INPP5A: variants seen among roughly 807,000 people sequenced by gnomAD.
INPP5A encodes 43 kDa inositol polyphosphate 5-phophatase.
A neutral mutation model predicts 65.2 loss-of-function variants in INPP5A; 14 were observed. The observed-to-expected ratio is 0.21, with a 90% CI of 0.14 to 0.34. The LOEUF (loss-of-function observed/expected upper bound fraction) is 0.34. Ranked by LOEUF, INPP5A falls within the 10% of genes least tolerant of loss-of-function variation. The pLI is 1.00. For missense variants in INPP5A, 431 were observed against 545.6 expected (o/e 0.79, Z 2.09); for synonymous variants, 207 against 208.3 (o/e 0.99, Z 0.05).
chr10:132,570,405 G>A (rs544440049), intron 1 of INPP5A, among the ~76,000 whole-genome samples: 1 of 152,332 alleles, frequency 6.6e-6, no homozygotes, highest in African/African-American at 2.4e-5. Flanking sequence ...AGCGGGAGGA[G>A]TTCGGGTGGA....
At chr10:132,713,250 G>A (rs1172787425) in intron 8 of INPP5A, among the ~76,000 whole-genome samples, 1 of 152,036 alleles carries the variant, frequency 6.6e-6, no homozygotes, top group African/African-American at 2.4e-5. Flanking sequence ...AGGTGTGGGT[G>A]CATGTGCACA....
Position 132,759,395 on chromosome 10 carries a change from C to T in INPP5A, c.904-6378C>T, listed in dbSNP as rs570518042. Among the ~76,000 whole-genome samples, 9 of 152,354 alleles carry T rather than the reference C, an allele frequency of 5.9e-5. No homozygotes were observed. The South Asian group carries it at 6.2e-4, about 11-fold the overall frequency. On this transcript the variant is annotated intron_variant, in intron 11 of 15. Transcript: ENST00000368594. Reference sequence around the variant, plus strand: ...CCAGACAGAAGCTGTGGCCACACTCCGTGGCTTCTGCCTCAGGAACTTGCA... The same window carrying T: ...CCAGACAGAAGCTGTGGCCACACTCTGTGGCTTCTGCCTCAGGAACTTGCA...
chr10:132,657,067 G>A (rs1217676493), intron 4 of INPP5A, among the ~76,000 whole-genome samples: 1 of 152,208 alleles, frequency 6.6e-6, no homozygotes, highest in African/African-American at 2.4e-5. Flanking sequence ...GGAGACCTCC[G>A]TGTGGAGTAG....
chr10:132,563,545 G>T (rs1366493399), intron 1 of INPP5A, among the ~76,000 whole-genome samples: 1 of 152,156 alleles, frequency 6.6e-6, no homozygotes, highest in Non-Finnish European at 1.5e-5. Flanking sequence ...AAAATAGCAG[G>T]TGTGTTTGGG....
chr10:132,728,707 G>A lies in INPP5A; in HGVS notation c.732+1802G>A, dbSNP rs528952824. On this transcript the variant is annotated intron_variant, in intron 9 of 15. Transcript: ENST00000368594. The stretch of plus-strand genomic sequence containing the variant: ...ATCAATCCCGGGCGCCCAGCAATTG[G>A]GGAAAGGTCAGGGAGCTTGGAAAGG... Among the ~76,000 whole-genome samples the A allele has an allele frequency of 1.1e-4, 17 of 152,366 alleles. No individual in the cohort carries two copies. The South Asian group carries it at 3.5e-3, about 32-fold the overall frequency.
chr10:132,734,506 G>A (rs1590968135), intron 9 of INPP5A, among the ~76,000 whole-genome samples: 1 of 152,236 alleles, frequency 6.6e-6, no homozygotes, highest in Admixed American at 6.5e-5. Flanking sequence ...AGCTGAGCAG[G>A]TTCTTTTTCA....
rs966694968 is a variant in INPP5A at position 132,676,200 on chromosome 10, C to T, written c.307-14192C>T. On this transcript the variant is annotated intron_variant, in intron 4 of 15. Transcript: ENST00000368594. The surrounding 1 kb of genome is among the most constrained non-coding windows in gnomAD (Gnocchi z 4.0). ...TTTATTATTCAAAAAATAGCATCTG[C>T]GTTGCAAATGAATCTCATTTTGAGA... is the stretch of plus-strand genomic sequence containing the variant. Among the ~76,000 whole-genome samples the T allele has an allele frequency of 5.9e-5, 9 of 152,124 alleles. No homozygotes were observed. The highest frequency in any genetic ancestry group is 1.7e-4 in the African/African-American group (7 of 41,406).
In INPP5A at chr10:132,608,938, G is replaced by C. The variant is rs556911532; in HGVS notation, c.117+982G>C. 3.9e-5 allele frequency among the ~76,000 whole-genome samples: 6 copies of C among 152,302 alleles called. No individual in the cohort carries two copies. In the South Asian group the frequency reaches 1.0e-3, roughly 26 times the overall value. ...CTGGGCCAGAGGTGGAGCTGGGACA[G>C]CCAGGAGGGCTGGGGACCTCTGTGC... On this transcript the variant is annotated intron_variant, in intron 2 of 15. Coordinates refer to ENST00000368594, the MANE Select transcript of INPP5A (RefSeq NM_005539.5).
intron 13 of INPP5A, among the ~76,000 whole-genome samples, chr10:132,780,501 CAACTCCCCTGA>C (rs549389069): frequency 7.8e-4 from 119 of 152,392 alleles, no homozygotes; most frequent in African/African-American, 2.8e-3. Context: ...GGGTCCCCTG[CAACTCCCCTGA>C]GAGCCCAGGA....
chr10:132,654,583 A>C (rs888375253), intron 4 of INPP5A, among the ~76,000 whole-genome samples: 1 of 152,334 alleles, frequency 6.6e-6, no homozygotes, highest in East Asian at 1.9e-4. Context: ...GGCCAGCCAG[A>C]CAATCACCCT....
intron 2 of INPP5A, among the ~76,000 whole-genome samples, chr10:132,625,209 C>T (rs549487487): frequency 5.3e-5 from 8 of 150,628 alleles, no homozygotes; most frequent in African/African-American, 2.0e-4. Flanking sequence ...TCTGACGGCA[C>T]CTCTGCTCCC....
chr10:132,756,793 C>A (rs1344447173), intron 11 of INPP5A, among the ~76,000 whole-genome samples: 1 of 152,242 alleles, frequency 6.6e-6, no homozygotes, highest in African/African-American at 2.4e-5. Context: ...GAAGAAGGCG[C>A]CGTTATCACA....
At position 132,575,740 on chromosome 10, in the gene INPP5A, T is replaced by C. The variant is rs1220083932; in HGVS notation, c.76-32175T>C. 1.3e-5 allele frequency among the ~76,000 whole-genome samples: 2 copies of C among 152,146 alleles called. No homozygotes were observed. Among genetic ancestry groups the C allele is most frequent in the African/African-American group, 2.4e-5 (1 of 41,442 alleles). ...AGGACAGCCTTTCCCCGGTTCCCTGTGTCCCTCTGGCCGTGGGCTCCCGCG... is the reference window on the plus strand; with the variant it reads ...AGGACAGCCTTTCCCCGGTTCCCTGCGTCCCTCTGGCCGTGGGCTCCCGCG... On this transcript the variant is annotated intron_variant, in intron 1 of 15. Transcript: ENST00000368594. This position sits in a 1 kb window ranked among gnomAD's most constrained non-coding sequence, Gnocchi z 5.4.
chr10:132,771,174 G>A (rs1031749196), intron 12 of INPP5A, among the ~76,000 whole-genome samples: 3 of 152,156 alleles, frequency 2.0e-5, no homozygotes, highest in African/African-American at 4.8e-5. Context: ...ATGCAGGCAC[G>A]CTCCCCTGAG....
Position 132,650,482 on chromosome 10 carries a change from T to G in INPP5A, c.283T>G (p.Tyr95Asp), listed in dbSNP as rs141069893. Residue 95 changes from tyrosine (Y) to aspartate (D), a missense_variant, in exon 4 of 16, where the codon TAC (tyrosine) becomes GAC (aspartate). Physicochemically the swap from Tyr to Asp is radical, Grantham distance 160 (BLOSUM62 -3). Transcript: ENST00000368594. The surrounding 1 kb of genome is among the most constrained non-coding windows in gnomAD (Gnocchi z 5.5). ...GGCTCGAGTCTACCTGGATGAAAAC[T>G]ACAAATCCCAGGAGCACTTCACGGT... ...NRARVYLDEN[Y>D]KSQEHFTALG... The G allele has an allele frequency of 3.1e-6, 5 of 1,613,446 alleles. No homozygotes were observed. Among genetic ancestry groups the G allele is most frequent in the Non-Finnish European group, 4.2e-6 (5 of 1,179,538 alleles).
At chr10:132,643,626 G>A (rs1162387514) in intron 2 of INPP5A, among the ~76,000 whole-genome samples, 2 of 152,246 alleles carry the variant, frequency 1.3e-5, no homozygotes, top group African/African-American at 4.8e-5. Flanking sequence ...GACGGGGCAT[G>A]AGAGGAAGTC....
rs894305419 is a variant in INPP5A at position 132,651,248 on chromosome 10, C to T, written c.306+743C>T. Among the ~76,000 whole-genome samples the T allele has an allele frequency of 6.6e-6, 1 of 151,634 alleles. No individual in the cohort carries two copies. On this transcript the variant is annotated intron_variant, in intron 4 of 15. Transcript: ENST00000368594. This position sits in a 1 kb window ranked among gnomAD's most constrained non-coding sequence, Gnocchi z 5.0. ...GTCCCCCGGCCTGGATCCATCTCCC[C>T]CGTCTCTGGGGAGGCCCTGGGTCCC...
intron 2 of INPP5A, among the ~76,000 whole-genome samples, chr10:132,632,664 G>A (rs905264017): frequency 2.6e-5 from 4 of 152,216 alleles, no homozygotes; most frequent in African/African-American, 2.4e-5. Flanking sequence ...GAACTTGGGA[G>A]CCAGGTGTGA....
At chr10:132,731,192 G>A (rs1045853150) in intron 9 of INPP5A, among the ~76,000 whole-genome samples, 1 of 152,216 alleles carries the variant, frequency 6.6e-6, no homozygotes, top group Non-Finnish European at 1.5e-5. Context: ...TCCCCCCGGT[G>A]AGAGGTCAGA....
Sources: allele counts gnomAD v4.1 joint callset (sites outside exome capture counted in the v4.1 genomes callset), GRCh38; gene constraint gnomAD v4.1.1; non-coding constraint Gnocchi (gnomAD v3.1); transcripts MANE v1.5; gene names NCBI Gene and HGNC (gene_info 2026-07-23, HGNC 2026-07-21).